USP25: variants seen among roughly 807,000 people sequenced by gnomAD.
USP25 encodes the protein ubiquitin specific peptidase 25, also known as ubiquitin carboxyl-terminal hydrolase 25.
USP25 carries 85 observed loss-of-function variants against 158.5 expected under a neutral mutation model. That is an observed-to-expected ratio of 0.54 (90% confidence interval 0.45 to 0.64). The LOEUF (loss-of-function observed/expected upper bound fraction) is 0.64. Among genes scored for constraint, USP25 ranks in the 30% least tolerant of loss-of-function variants. The probability of loss-of-function intolerance (pLI) is 0.00; values close to 1 mark genes in which losing one functional copy is unlikely to be tolerated. For synonymous variants in USP25, 464 were observed against 460.4 expected, an observed-to-expected ratio of 1.01 and a Z score of -0.10; for missense variants, 1,242 against 1,327.3, an observed-to-expected ratio of 0.94 and a Z score of 1.00.
intron 1 of USP25, among the ~76,000 whole-genome samples, chr21:15,734,227 A>G (rs1051834392): frequency 3.3e-5 from 5 of 152,244 alleles, no homozygotes; most frequent in East Asian, 1.9e-4. Context: ...TAGATTAGCC[A>G]AGTTCAAGAG....
chr21:15,759,451 T>TA (rs1213630130), intron 1 of USP25, among the ~76,000 whole-genome samples: 1 of 152,172 alleles, frequency 6.6e-6, no homozygotes, highest in East Asian at 1.9e-4. Context: ...GGATACATAA[T>TA]ATATCAGTCA....
chr21:15,737,635 A>G (rs889018273), intron 1 of USP25, among the ~76,000 whole-genome samples: 1 of 151,920 alleles, frequency 6.6e-6, no homozygotes, highest in Non-Finnish European at 1.5e-5. Flanking sequence ...TTTCCCTGCT[A>G]CAATATCTAG....
intron 23 of USP25, among the ~76,000 whole-genome samples, 167 bp from the exon 24 acceptor site, chr21:15,874,236 G>A (rs929735351): frequency 1.3e-5 from 2 of 152,000 alleles, no homozygotes; most frequent in African/African-American, 4.8e-5. Flanking sequence ...AGATGTTGCT[G>A]TTGCTAAAAA....
At chr21:15,834,989 A>C (rs1261336662) in intron 17 of USP25, among the ~76,000 whole-genome samples, 3 of 152,168 alleles carry the variant, frequency 2.0e-5, no homozygotes, top group Non-Finnish European at 2.9e-5. Flanking sequence ...TTTTTAAAAC[A>C]TTTCTGTCCC....
chr21:15,817,336 C>T (rs1320802257), intron 9 of USP25, among the ~76,000 whole-genome samples: 1 of 151,978 alleles, frequency 6.6e-6, no homozygotes, highest in Non-Finnish European at 1.5e-5. Context: ...GTAATTTTAT[C>T]TCTTTTCTGT....
rs139581416 is a variant in USP25 at position 15,880,003 on chromosome 21, A to G, written c.*1528A>G. On this transcript the variant is annotated 3_prime_UTR_variant, in exon 26 of 26. Transcript: ENST00000400183. Reference sequence around the variant, plus strand: ...GTCCTGTTAAAAGTTTAGAAACTTCATATGTGTCATCACAGCTTTTGTAAA... The same window carrying G: ...GTCCTGTTAAAAGTTTAGAAACTTCGTATGTGTCATCACAGCTTTTGTAAA... 6.6e-6 allele frequency: 1 copy of G among 152,234 alleles called. No individual in the cohort carries two copies. Among genetic ancestry groups the G allele is most frequent in the Admixed American group, 6.5e-5 (1 of 15,282 alleles). 9.4% of individuals were successfully genotyped at this position (152,234 alleles called of 1,614,324 possible).
chr21:15,807,669 A>C (rs1279992592), intron 7 of USP25, among the ~76,000 whole-genome samples: 3 of 152,116 alleles, frequency 2.0e-5, no homozygotes, highest in Admixed American at 6.5e-5. Flanking sequence ...GCTTTCCCTC[A>C]TGTGTCTGTC....
chr21:15,842,603 T>G, intron 18 of USP25, 63 bp downstream of exon 18: 1 of 1,578,718 alleles, frequency 6.3e-7, no homozygotes, highest in Non-Finnish European at 8.6e-7. Context: ...TCCAGTATAG[T>G]GGAGAGGGAC....
At chr21:15,751,944 T>A (rs191114077) in intron 1 of USP25, among the ~76,000 whole-genome samples, 76 of 152,158 alleles carry the variant, frequency 5.0e-4, no homozygotes, top group East Asian at 3.7e-3. Context: ...ATTAAAAAAA[T>A]TTTTTTTAAG....
chr21:15,780,132 T>G (rs2034884925), intron 4 of USP25, among the ~76,000 whole-genome samples: 1 of 152,314 alleles, frequency 6.6e-6, no homozygotes, highest in Non-Finnish European at 1.5e-5. Flanking sequence ...ATTACTGAAG[T>G]TGATATAGGG....
At chr21:15,735,978 G>A (rs1047398864) in intron 1 of USP25, among the ~76,000 whole-genome samples, 3 of 146,276 alleles carry the variant, frequency 2.1e-5, no homozygotes, top group African/African-American at 7.8e-5. Flanking sequence ...GTGTGTGTGT[G>A]TGTATGTGTG....
At chr21:15,741,069 A>T (rs988250538) in intron 1 of USP25, among the ~76,000 whole-genome samples, 2 of 151,898 alleles carry the variant, frequency 1.3e-5, no homozygotes, top group Admixed American at 6.6e-5. Flanking sequence ...TGTTGATCTG[A>T]TTTTTATTAC....
At chr21:15,763,127 G>A (rs755772012) in intron 2 of USP25, among the ~76,000 whole-genome samples, 159 bp downstream of exon 2, 15 of 152,084 alleles carry the variant, frequency 9.9e-5, no homozygotes, top group Admixed American at 2.0e-4. Context: ...AACACACTGC[G>A]GTTTTGAGGA....
chr21:15,814,256 G>T (rs935094181), intron 9 of USP25, among the ~76,000 whole-genome samples: 3 of 151,270 alleles, frequency 2.0e-5, no homozygotes, highest in Non-Finnish European at 4.4e-5. Context: ...CCAGCCATGT[G>T]GAACTGTAAG....
chr21:15,801,265 T>A (rs1487446318), intron 6 of USP25, among the ~76,000 whole-genome samples: 1 of 151,566 alleles, frequency 6.6e-6, no homozygotes, highest in African/African-American at 2.4e-5. Context: ...TGTTAGTTTG[T>A]ATTCTTATTT....
chr21:15,783,146 AT>A (rs2035061930), intron 4 of USP25, among the ~76,000 whole-genome samples: 1 of 152,112 alleles, frequency 6.6e-6, no homozygotes, highest in Non-Finnish European at 1.5e-5. Flanking sequence ...AGACTAGAAC[AT>A]GCAGAATAAT....
chr21:15,824,517 T>C (rs1046832317), intron 11 of USP25, among the ~76,000 whole-genome samples: 2 of 152,154 alleles, frequency 1.3e-5, no homozygotes, highest in African/African-American at 4.8e-5. Flanking sequence ...TTTCTGTCTT[T>C]CTTTCTGTCT....
intron 1 of USP25, among the ~76,000 whole-genome samples, chr21:15,734,591 C>T (rs1220723997): frequency 1.3e-5 from 2 of 152,174 alleles, no homozygotes; most frequent in East Asian, 1.9e-4. Context: ...TGATTTTCTT[C>T]AATATTATAT....
intron 20 of USP25, among the ~76,000 whole-genome samples, chr21:15,861,021 G>C (rs1313766207): frequency 6.6e-6 from 1 of 150,634 alleles, no homozygotes; most frequent in Non-Finnish European, 1.5e-5. Flanking sequence ...AAGTCCATAA[G>C]AAGTTATAAA....
Sources: gnomAD v4.1 joint callset for allele counts (sites outside exome capture counted in the v4.1 genomes callset) on GRCh38, gnomAD v4.1.1 for gene constraint, MANE v1.5 for transcripts, NCBI Gene and HGNC (gene_info 2026-07-23, HGNC 2026-07-21) for gene names.